The following C12orf76 variants were observed in gnomAD, a reference collection of about 807,000 sequenced individuals.
The protein encoded by C12orf76 is chromosome 12 open reading frame 76, also known as uncharacterized protein C12orf76.
In C12orf76, 6 loss-of-function variants were observed where a neutral mutation model predicts 6.8. That is an observed-to-expected ratio of 0.88 (90% confidence interval 0.48 to 1.73). The LOEUF is 1.73. Among genes scored for constraint, C12orf76 ranks in the 40% most tolerant of loss-of-function variants. C12orf76 has a pLI of 0.01. For missense variants in C12orf76, 99 were observed against 98.2 expected (o/e 1.01, Z -0.03); for synonymous variants, 56 against 43.7 (o/e 1.28, Z -1.11).
intron 1 of C12orf76, among the ~76,000 whole-genome samples, chr12:110,045,107 C>T (rs2137215282): frequency 6.6e-6 from 1 of 152,280 alleles, no homozygotes; most frequent in Non-Finnish European, 1.5e-5. Context: ...CTTTGTCAAA[C>T]AAAATCTCCA....
chr12:110,043,878 A>AAC (rs1892382016), intron 1 of C12orf76, among the ~76,000 whole-genome samples: 9 of 148,538 alleles, frequency 6.1e-5, no homozygotes, highest in African/African-American at 2.3e-4. Context: ...AACAAAAAAA[A>AAC]AAATGTTACG....
In C12orf76 at chr12:110,048,430, C is replaced by T; in HGVS notation, c.66G>A (p.Glu22=). 6.6e-7 allele frequency: 1 copy of T among 1,510,758 alleles called. No homozygotes were observed. The highest frequency in any genetic ancestry group is 8.8e-7 in the Non-Finnish European group (1 of 1,134,620). 93.6% of individuals were successfully genotyped at this position (1,510,758 alleles called of 1,614,324 possible). A position where few individuals can be genotyped will look rare whatever the true frequency, so the allele number is the denominator to read the frequency against. ...GLCSLLVGEA[E]APSPVDPLER... ...CCAGCGGATCCACGGGGCTCGGGGC[C>T]TCTGCCTCCCCCACCAGGAGGCTGC... The change falls in exon 1 of 2, where the codon GAG becomes GAA. Residue 22 remains glutamate (E), a synonymous_variant. Transcript: ENST00000615315.
chr12:110,048,428 G>A lies in C12orf76; in HGVS notation c.68C>T (p.Ala23Val), dbSNP rs1298137484. The A allele has an allele frequency of 6.6e-7, 1 of 1,511,090 alleles. No individual in the cohort carries two copies. The highest frequency in any genetic ancestry group is 8.8e-7 in the Non-Finnish European group (1 of 1,134,762). 93.6% of individuals were successfully genotyped at this position (1,511,090 alleles called of 1,614,324 possible). A position where few individuals can be genotyped will look rare whatever the true frequency, so the allele number is the denominator to read the frequency against. ...CTCCAGCGGATCCACGGGGCTCGGGGCCTCTGCCTCCCCCACCAGGAGGCT... is the reference window on the plus strand; with the variant it reads ...CTCCAGCGGATCCACGGGGCTCGGGACCTCTGCCTCCCCCACCAGGAGGCT... The part of the protein sequence containing the change: ...LCSLLVGEAE[A>V]PSPVDPLERS... Residue 23 changes from alanine to valine, a missense_variant, in exon 1 of 2, where the codon GCC becomes GTC. Physicochemically the swap from Ala to Val is moderately conservative, Grantham distance 64. Coordinates refer to ENST00000615315, the MANE Select transcript of C12orf76 (RefSeq NM_001389625.1).
upstream of C12orf76, chr12:110,048,608 A>G: frequency 7.6e-7 from 1 of 1,313,010 alleles, no homozygotes; most frequent in Non-Finnish European, 9.7e-7. Flanking sequence ...CGTCATTGCC[A>G]TGGTAACTGT....
In C12orf76 at chr12:110,058,088, A is replaced by G. The variant is rs796448577; in HGVS notation, n.557-792T>C. ...CTCAAAAAAAAAAAAAAAAAAAAAA[A>G]AAGAAGATCCCAGCACAAATCACTC... is the stretch of plus-strand genomic sequence containing the variant. On this transcript the variant is annotated intron_variant and non_coding_transcript_variant, in intron 3 of 4. Coordinates refer to the C12orf76 transcript ENST00000309050. Among the ~76,000 whole-genome samples, 711 of 150,288 alleles carry G rather than the reference A, an allele frequency of 4.7e-3. 1 individual carries two copies. The highest frequency in any genetic ancestry group is 7.7e-3 in the Non-Finnish European group (522 of 67,552).
At chr12:110,068,996 A>T (rs1211994097), upstream of C12orf76, among the ~76,000 whole-genome samples, 1 of 152,340 alleles carries the variant, frequency 6.6e-6, no homozygotes, top group East Asian at 1.9e-4. Context: ...GTGAGACTCC[A>T]TTTGGTGAGA....
intron 4 of C12orf76, among the ~76,000 whole-genome samples, chr12:110,056,752 A>T (rs1283616872): frequency 6.6e-6 from 1 of 152,046 alleles, no homozygotes; most frequent in East Asian, 1.9e-4. Flanking sequence ...CTGGTGGGAG[A>T]TAGTGACTAA....
At position 110,048,382 on chromosome 12, in the gene C12orf76, C is replaced by G. The variant is rs757912874; in HGVS notation, c.114G>C (p.Val38=). The G allele has an allele frequency of 6.1e-5, 93 of 1,515,566 alleles. No homozygotes were observed. Among genetic ancestry groups the G allele is most frequent in the Non-Finnish European group, 8.0e-5 (91 of 1,137,252 alleles). 93.9% of individuals were successfully genotyped at this position (1,515,566 alleles called of 1,614,324 possible). A position where few individuals can be genotyped will look rare whatever the true frequency, so the allele number is the denominator to read the frequency against. Residue 38 remains valine (V), a synonymous_variant, in exon 1 of 2, where the codon GTG becomes GTC. Transcript: ENST00000615315. ...DPLERSRPYA[V]LRGQNLVLMG... ...GCTCACCCAGGTTCTGCCCTCGCAG[C>G]ACCGCGTACGGCCGGCTCCGCTCCA... is the stretch of plus-strand genomic sequence containing the variant.
chr12:110,068,306 AGAAGAAGAAGAAGAAGAAGAAGAAGGC>A (rs1461765843), upstream of C12orf76, among the ~76,000 whole-genome samples: 24 of 145,986 alleles, frequency 1.6e-4, no homozygotes, highest in Non-Finnish European at 2.8e-4. Flanking sequence ...AAGAAGAAGA[AGAAGAAGAAGAAGAAGAAGAAGAAGGC>A]GGCCAAATAG....
At chr12:110,047,040 C>T (rs1461668749) in intron 1 of C12orf76, among the ~76,000 whole-genome samples, 1 of 152,062 alleles carries the variant, frequency 6.6e-6, no homozygotes, top group African/African-American at 2.4e-5. Flanking sequence ...CACAGTAAGT[C>T]GTCAACACAT....
In C12orf76 at chr12:110,054,930, C is replaced by T. The variant is rs1892643862; in HGVS notation, n.664+2259G>A. 6.6e-6 allele frequency among the ~76,000 whole-genome samples: 1 copy of T among 152,100 alleles called. No homozygotes were observed. Among genetic ancestry groups the T allele is most frequent in the African/African-American group, 2.4e-5 (1 of 41,394 alleles). ...TCAAGAGATCCTCCAGTCTCAGCCT[C>T]CCAAATAGGTGGGACTGCAGGTGCA... On this transcript the variant is annotated intron_variant and non_coding_transcript_variant, in intron 4 of 4. Coordinates refer to the C12orf76 transcript ENST00000309050. This position sits in a 1 kb window ranked among gnomAD's most constrained non-coding sequence, Gnocchi z 4.4.
intron 2 of C12orf76, among the ~76,000 whole-genome samples, chr12:110,061,083 CAAAAA>C (rs34382276): frequency 1.2e-5 from 1 of 84,286 alleles, no homozygotes; most frequent in African/African-American, 3.9e-5. Context: ...GACTCTGACT[CAAAAA>C]AAAAAAAAAA....
upstream of C12orf76, among the ~76,000 whole-genome samples, chr12:110,071,617 G>T (rs1169649807): frequency 6.6e-6 from 1 of 151,912 alleles, no homozygotes; most frequent in Non-Finnish European, 1.5e-5. Flanking sequence ...AAAATAAGTT[G>T]CCTTGACTCT....
rs1892312145 is a variant in C12orf76, at chr12:110,041,583, C to T, written c.*791G>A. 1 of 152,222 alleles carries T rather than the reference C, an allele frequency of 6.6e-6. No individual in the cohort carries two copies. The highest frequency in any genetic ancestry group is 1.5e-5 in the Non-Finnish European group (1 of 68,036). The allele number at this position is 152,222 out of a possible 1,614,324, so 9.4% of individuals were successfully genotyped here. ...TGGGCCCTCCCCACCCAGGGATGAA[C>T]AGAGTGCCCACTGAGCCTTTTACAT... On this transcript the variant is annotated 3_prime_UTR_variant, in exon 2 of 2. Coordinates refer to ENST00000615315, the MANE Select transcript of C12orf76 (RefSeq NM_001389625.1).
At chr12:110,072,643 C>T (rs1159096915), upstream of C12orf76, among the ~76,000 whole-genome samples, 1 of 152,026 alleles carries the variant, frequency 6.6e-6, no homozygotes, top group Non-Finnish European at 1.5e-5. Context: ...CAAAAACCAG[C>T]CAGACACGGT....
At chr12:110,048,286 T>A (rs1892502004) in intron 1 of C12orf76, 77 bp downstream of exon 1, 6 of 1,427,048 alleles carry the variant, frequency 4.2e-6, no homozygotes, top group South Asian at 1.4e-5. Flanking sequence ...GTCCGCTCCG[T>A]ACATGCCCGG....
intron 4 of C12orf76, chr12:110,056,934 T>TA (rs1374531000): frequency 2.3e-6 from 1 of 426,592 alleles, no homozygotes; most frequent in African/African-American, 2.0e-5. Context: ...GTAAATTACC[T>TA]AGTCTCGAAT....
chr12:110,056,901 A>G, intron 4 of C12orf76: 2 of 322,914 alleles, frequency 6.2e-6, no homozygotes, highest in Non-Finnish European at 1.2e-5. Context: ...TGGAACTGTG[A>G]GTCCATTAAA....
At position 110,054,497 on chromosome 12, in the gene C12orf76, T is replaced by G. The variant is rs1403274164; in HGVS notation, n.664+2692A>C. 6.6e-6 allele frequency among the ~76,000 whole-genome samples: 1 copy of G among 152,082 alleles called. No individual in the cohort carries two copies. Among genetic ancestry groups the G allele is most frequent in the Admixed American group, 6.6e-5 (1 of 15,266 alleles). On this transcript the variant is annotated intron_variant and non_coding_transcript_variant, in intron 4 of 4. Transcript: ENST00000309050. This position sits in a 1 kb window ranked among gnomAD's most constrained non-coding sequence, Gnocchi z 4.4. ...CTCCATTTATATGAAATACCCAGAATAGGTAAATCCATAGAGACAGAGAGT... is the reference window on the plus strand; with the variant it reads ...CTCCATTTATATGAAATACCCAGAAGAGGTAAATCCATAGAGACAGAGAGT...
Sources: gnomAD v4.1 joint callset for allele counts (sites outside exome capture counted in the v4.1 genomes callset) on GRCh38, gnomAD v4.1.1 for gene constraint, Gnocchi (gnomAD v3.1) non-coding constraint, MANE v1.5 for transcripts, NCBI Gene and HGNC (gene_info 2026-07-23, HGNC 2026-07-21) for gene names.